NFIL3: variants seen among roughly 807,000 people sequenced by gnomAD.
The protein encoded by NFIL3 is nuclear factor interleukin-3-regulated protein.
A neutral mutation model predicts 10.0 loss-of-function variants in NFIL3; 5 were observed. That is an observed-to-expected ratio of 0.50 (90% CI 0.26 to 1.06). The LOEUF (loss-of-function observed/expected upper bound fraction) is 1.06, where lower values mean the gene tolerates loss of function less well. Among genes scored for constraint, NFIL3 ranks in the 50% least tolerant of loss-of-function variants. NFIL3 has a pLI of 0.13. For synonymous variants in NFIL3, 202 were observed against 206.5 expected (o/e 0.98, Z 0.19); for missense variants, 436 against 547.6 (o/e 0.80, Z 2.03).
chr9:91,461,655 T>C, the NFIL3 span, among the ~76,000 whole-genome samples: 1 of 152,214 alleles, frequency 6.6e-6, no homozygotes, highest in East Asian at 1.9e-4. Context: ...AATCTCTGCC[T>C]CCAGCTTCAC....
the NFIL3 span, among the ~76,000 whole-genome samples, chr9:91,446,233 G>A: frequency 4.4e-3 from 666 of 152,278 alleles, 7 homozygotes; most frequent in African/African-American, 0.015. Context: ...AGTCTCTCCT[G>A]GTTATGAGCT....
chr9:91,415,631 T>G (rs1435316376), intron 1 of NFIL3, among the ~76,000 whole-genome samples: 1 of 152,044 alleles, frequency 6.6e-6, no homozygotes, highest in African/African-American at 2.4e-5. Context: ...TTCTTTTTTT[T>G]TTTTTTTCTT....
chr9:91,476,348 G>A, the NFIL3 span, among the ~76,000 whole-genome samples: 7 of 152,170 alleles, frequency 4.6e-5, no homozygotes, highest in African/African-American at 1.7e-4. Context: ...TGAGGCAGGT[G>A]GATCACCTGA....
upstream of NFIL3, among the ~76,000 whole-genome samples, chr9:91,424,244 C>T (rs1171662731): frequency 1.3e-5 from 2 of 152,144 alleles, no homozygotes; most frequent in Non-Finnish European, 2.9e-5. Context: ...TGGCTCTGCG[C>T]TCCCCGCGAC....
At chr9:91,443,969 C>G in the NFIL3 span, among the ~76,000 whole-genome samples, 2 of 152,202 alleles carry the variant, frequency 1.3e-5, no homozygotes, top group African/African-American at 4.8e-5. Context: ...ACATTAATAT[C>G]TTTCTCAAGA....
At chr9:91,476,118 A>G in the NFIL3 span, among the ~76,000 whole-genome samples, 3 of 152,354 alleles carry the variant, frequency 2.0e-5, no homozygotes, top group East Asian at 3.9e-4. Context: ...ATGTTTGAGC[A>G]TGGAAGATAA....
At chr9:91,473,498 G>A in the NFIL3 span, among the ~76,000 whole-genome samples, 13 of 152,336 alleles carry the variant, frequency 8.5e-5, no homozygotes, top group African/African-American at 1.2e-4. Context: ...CTCCGTGGGC[G>A]TGGGACCCGC....
the NFIL3 span, among the ~76,000 whole-genome samples, chr9:91,434,126 A>G: frequency 1.1e-4 from 17 of 152,308 alleles, no homozygotes; most frequent in African/African-American, 3.8e-4. Flanking sequence ...TAAAAAGTTG[A>G]TTCTCAGGCC....
upstream of NFIL3, among the ~76,000 whole-genome samples, chr9:91,424,837 G>C (rs986263747): frequency 5.9e-5 from 9 of 152,232 alleles, no homozygotes; most frequent in African/African-American, 1.2e-4. Context: ...ATTTTGAGCT[G>C]ATAGCTGCTT....
the NFIL3 span, among the ~76,000 whole-genome samples, chr9:91,436,077 C>T: frequency 6.6e-6 from 1 of 152,322 alleles, no homozygotes; most frequent in Admixed American, 6.5e-5. Context: ...GAAGCTATGC[C>T]CCAAATCAAA....
At chr9:91,482,562 C>T in the NFIL3 span, among the ~76,000 whole-genome samples, 3 of 152,006 alleles carry the variant, frequency 2.0e-5, no homozygotes, top group East Asian at 5.8e-4. Context: ...TGCAGTAGTG[C>T]GATCTTGGCT....
intron 1 of NFIL3, among the ~76,000 whole-genome samples, chr9:91,421,888 T>C (rs1325549260): frequency 6.6e-6 from 1 of 152,234 alleles, no homozygotes; most frequent in Non-Finnish European, 1.5e-5. Flanking sequence ...TATTCACACA[T>C]AATCACTATG....
intron 1 of NFIL3, 23 bp downstream of exon 1, chr9:91,423,617 C>A (rs969869527): frequency 8.9e-5 from 13 of 146,760 alleles, no homozygotes; most frequent in African/African-American, 2.7e-4. Flanking sequence ...GGGCCCCCGG[C>A]CGGCGGTGGG....
At chr9:91,461,633 C>T in the NFIL3 span, among the ~76,000 whole-genome samples, 3 of 152,166 alleles carry the variant, frequency 2.0e-5, no homozygotes. Flanking sequence ...TGGCTTATGG[C>T]CGCGTCTCTC....
intron 1 of NFIL3, among the ~76,000 whole-genome samples, chr9:91,413,093 C>T (rs1833586238): frequency 6.6e-6 from 1 of 152,108 alleles, no homozygotes. Flanking sequence ...AAGGGAACAG[C>T]TAGTCGTAAC....
At chr9:91,481,644 G>A in the NFIL3 span, among the ~76,000 whole-genome samples, 1 of 144,312 alleles carries the variant, frequency 6.9e-6, no homozygotes, top group African/African-American at 2.6e-5. Flanking sequence ...TTTTGATTTT[G>A]CGGTTAACGT....
At chr9:91,451,523 A>T in the NFIL3 span, among the ~76,000 whole-genome samples, 10 of 152,198 alleles carry the variant, frequency 6.6e-5, no homozygotes, top group Non-Finnish European at 1.5e-5. Flanking sequence ...ATTGGCCCTC[A>T]ATATCTCTTC....
the NFIL3 span, among the ~76,000 whole-genome samples, chr9:91,452,556 C>T: frequency 6.6e-6 from 1 of 152,032 alleles, no homozygotes; most frequent in Non-Finnish European, 1.5e-5. Flanking sequence ...GGGCAGATCA[C>T]CTGAGGTCAG....
chr9:91,456,133 T>C, the NFIL3 span, among the ~76,000 whole-genome samples: 1 of 152,252 alleles, frequency 6.6e-6, no homozygotes, highest in African/African-American at 2.4e-5. Context: ...TGTTGAATAT[T>C]ATTCCACTGT....
Sources: gnomAD v4.1 joint callset for allele counts (sites outside exome capture counted in the v4.1 genomes callset) on GRCh38, gnomAD v4.1.1 for gene constraint, MANE v1.5 for transcripts, NCBI Gene and HGNC (gene_info 2026-07-23, HGNC 2026-07-21) for gene names.